Variants in DLG2 observed in about 807,000 individuals in gnomAD.
DLG2 encodes the protein discs large MAGUK scaffold protein 2, also known as disks large homolog 2.
A neutral mutation model predicts 132.5 loss-of-function variants in DLG2; 45 were observed. The observed-to-expected ratio is 0.34, with a 90% CI of 0.27 to 0.44. DLG2 has a LOEUF of 0.44. DLG2 is among the 20% of genes least tolerant of loss of function. The probability of loss-of-function intolerance (pLI) is 1.00; values close to 1 mark genes in which losing one functional copy is unlikely to be tolerated. For missense variants in DLG2, 1,045 were observed against 1,196.9 expected (o/e 0.87, Z 1.87); for synonymous variants, 424 against 419.6 (o/e 1.01, Z -0.13).
At chr11:83,556,771 T>G (rs1593123532) in intron 19 of DLG2, among the ~76,000 whole-genome samples, 1 of 152,174 alleles carries the variant, frequency 6.6e-6, no homozygotes, top group South Asian at 2.1e-4. Context: ...GTGTATAAAT[T>G]GGGCAGAAAA....
chr11:85,516,221 TA>T (rs527864385), intron 3 of DLG2, among the ~76,000 whole-genome samples: 133 of 152,086 alleles, frequency 8.7e-4, no homozygotes, highest in African/African-American at 3.1e-3. Context: ...AGGACAAAAT[TA>T]AGATGTAAAT....
intron 18 of DLG2, among the ~76,000 whole-genome samples, chr11:83,768,438 T>C (rs962232128): frequency 5.3e-5 from 8 of 152,212 alleles, no homozygotes; most frequent in Admixed American, 1.3e-4. Context: ...TCATGACTTT[T>C]TCAGATGTCT....
intron 3 of DLG2, among the ~76,000 whole-genome samples, chr11:85,460,636 T>A (rs947145708): frequency 2.0e-5 from 3 of 152,306 alleles, no homozygotes; most frequent in Admixed American, 2.0e-4. Context: ...GTGAGAGAGG[T>A]GCACACTAGC....
intron 4 of DLG2, among the ~76,000 whole-genome samples, chr11:85,282,236 G>A (rs1171961633): frequency 6.6e-6 from 1 of 151,732 alleles, no homozygotes; most frequent in African/African-American, 2.4e-5. Context: ...GAATAAAGAA[G>A]AGATGGATAA....
chr11:83,564,846 G>T (rs2096675129), intron 19 of DLG2, among the ~76,000 whole-genome samples: 1 of 125,750 alleles, frequency 8.0e-6, no homozygotes, highest in Non-Finnish European at 1.7e-5. Flanking sequence ...AACATAAGAA[G>T]AATTTCTTTT....
At chr11:84,415,466 C>T (rs1159000149) in intron 7 of DLG2, among the ~76,000 whole-genome samples, 1 of 152,092 alleles carries the variant, frequency 6.6e-6, no homozygotes, top group Non-Finnish European at 1.5e-5. Flanking sequence ...CTTCATTTTT[C>T]CCCAATTTTA....
intron 4 of DLG2, among the ~76,000 whole-genome samples, chr11:85,271,768 T>C (rs1205762364): frequency 6.6e-6 from 1 of 152,232 alleles, no homozygotes; most frequent in Non-Finnish European, 1.5e-5. Flanking sequence ...GGCCAATTTC[T>C]CCCATTTGGA....
chr11:84,852,121 T>A (rs539905113), intron 6 of DLG2, among the ~76,000 whole-genome samples: 1 of 152,188 alleles, frequency 6.6e-6, no homozygotes, highest in East Asian at 1.9e-4. Context: ...CTGCAGGAAA[T>A]CTGCAGCTAT....
intron 6 of DLG2, among the ~76,000 whole-genome samples, chr11:85,010,539 G>A (rs747272487): frequency 6.6e-6 from 1 of 152,060 alleles, no homozygotes; most frequent in South Asian, 2.1e-4. Context: ...TAGTGGGCGG[G>A]TAAAGATAGC....
chr11:85,391,774 C>T (rs144209432), intron 3 of DLG2, among the ~76,000 whole-genome samples: 16 of 152,098 alleles, frequency 1.1e-4, no homozygotes, highest in Admixed American at 3.9e-4. Flanking sequence ...AATCAGCATA[C>T]AAGGGACACA....
intron 6 of DLG2, among the ~76,000 whole-genome samples, chr11:85,002,536 C>T (rs1452697677): frequency 6.6e-6 from 1 of 152,130 alleles, no homozygotes; most frequent in Admixed American, 6.6e-5. Context: ...CCTTTTTTAT[C>T]ATCATCTAAA....
At chr11:84,831,394 A>AT (rs1362889359) in intron 6 of DLG2, among the ~76,000 whole-genome samples, 1 of 151,578 alleles carries the variant, frequency 6.6e-6, no homozygotes, top group East Asian at 1.9e-4. Flanking sequence ...ATATCATTAG[A>AT]TTTTCTCAAA....
intron 5 of DLG2, among the ~76,000 whole-genome samples, chr11:85,125,276 G>C (rs1035468592): frequency 5.3e-5 from 8 of 152,118 alleles, no homozygotes; most frequent in African/African-American, 1.9e-4. Flanking sequence ...GCTCTTCATA[G>C]CATTGTGTTG....
chr11:83,589,294 G>T (rs1312590721), intron 19 of DLG2, among the ~76,000 whole-genome samples: 1 of 148,336 alleles, frequency 6.7e-6, no homozygotes, highest in African/African-American at 2.5e-5. Context: ...CAGATCTCTC[G>T]GCAGAAACCC....
At chr11:84,986,529 A>G (rs1246000451) in intron 6 of DLG2, among the ~76,000 whole-genome samples, 2 of 152,204 alleles carry the variant, frequency 1.3e-5, no homozygotes, top group African/African-American at 4.8e-5. Context: ...TCCTTAACAC[A>G]ATACTAGCTA....
chr11:84,982,031 A>G (rs2509058), intron 6 of DLG2, among the ~76,000 whole-genome samples: 27,206 of 151,830 alleles, frequency 0.18, 2,821 homozygotes, highest in South Asian at 0.28. Context: ...CTACATTTTT[A>G]CCCTTTACCT....
Position 85,268,277 on chromosome 11 carries a change from C to G in DLG2, c.186+16943G>C, listed in dbSNP as rs148682115. On this transcript the variant is annotated intron_variant, in intron 4 of 27. Transcript: ENST00000376104. The stretch of plus-strand genomic sequence containing the variant: ...ACTGAGATAGATGCATATCTGATTG[C>G]CTTCTTTGGAAAGGCTAATCAGAAA... Among the ~76,000 whole-genome samples the G allele has an allele frequency of 1.1e-4, 17 of 152,258 alleles. 1 individual carries two copies. The East Asian group carries it at 3.3e-3, about 29-fold the overall frequency.
chr11:84,875,966 G>T (rs1185705556), intron 6 of DLG2, among the ~76,000 whole-genome samples: 1 of 152,172 alleles, frequency 6.6e-6, no homozygotes, highest in Non-Finnish European at 1.5e-5. Context: ...TCGAATGCCT[G>T]ACCTCAAGTG....
chr11:85,009,897 A>G (rs766894045), intron 6 of DLG2, among the ~76,000 whole-genome samples: 3 of 152,116 alleles, frequency 2.0e-5, no homozygotes, highest in East Asian at 1.9e-4. Flanking sequence ...CTAAACCAGC[A>G]TATGTAAATG....
Sources: gnomAD v4.1 joint callset for allele counts (sites outside exome capture counted in the v4.1 genomes callset) on GRCh38, gnomAD v4.1.1 for gene constraint, MANE v1.5 for transcripts, NCBI Gene and HGNC (gene_info 2026-07-23, HGNC 2026-07-21) for gene names.